The following ASAP2 variants were observed in gnomAD, a reference collection of about 807,000 sequenced individuals.
ASAP2 encodes ArfGAP with SH3 domain, ankyrin repeat and PH domain 2.
Under a neutral mutation model 131.4 loss-of-function variants are expected in ASAP2, and 45 were observed. The ratio of observed to expected loss-of-function variants is 0.34; its 90% confidence interval spans 0.27 to 0.44. The LOEUF (loss-of-function observed/expected upper bound fraction) is 0.44. Among genes scored for constraint, ASAP2 ranks in the 20% least tolerant of loss-of-function variants. ASAP2 has a pLI of 1.00. For synonymous variants in ASAP2, 510 were observed against 503.0 expected (o/e 1.01, Z -0.19); for missense variants, 1,011 against 1,297.0 (o/e 0.78, Z 3.39).
chr2:9,394,159 C>CTT (rs71389241), intron 24 of ASAP2, among the ~76,000 whole-genome samples: 3,095 of 81,800 alleles, frequency 0.038, 113 homozygotes, highest in Non-Finnish European at 0.052. Context: ...TAGTTTGTGG[C>CTT]TTTTTTTTTT....
Position 9,250,585 on chromosome 2 carries a change from C to T in ASAP2, c.127-28732C>T, listed in dbSNP as rs552335568. ...CATTGCACGGCCCCCAGGGCAAATG[C>T]AGTGTGGTGTGCTCTTTCATTTAAG... On this transcript the variant is annotated intron_variant, in intron 1 of 27. Coordinates refer to ENST00000281419, the MANE Select transcript of ASAP2 (RefSeq NM_003887.3). 2.8e-5 allele frequency among the ~76,000 whole-genome samples: 3 copies of T among 108,604 alleles called. No homozygotes were observed. The East Asian group carries it at 6.0e-4, about 22-fold the overall frequency. The allele number at this position is 108,604 out of a possible 152,430, so 71.2% of individuals were successfully genotyped here.
Position 9,404,593 on chromosome 2 carries a change from A to G in ASAP2, c.*1266A>G, listed in dbSNP as rs577141570. Reference sequence around the variant, plus strand: ...CACTCTGAGAATAAATAGGCATATGATACCCACTTGGACTTTTAACAAAAG... The same window carrying G: ...CACTCTGAGAATAAATAGGCATATGGTACCCACTTGGACTTTTAACAAAAG... On this transcript the variant is annotated 3_prime_UTR_variant, in exon 28 of 28. Coordinates refer to ENST00000281419, the MANE Select transcript of ASAP2 (RefSeq NM_003887.3). 1 of 152,678 alleles carries G rather than the reference A, an allele frequency of 6.5e-6. No individual in the cohort carries two copies. The highest frequency in any genetic ancestry group is 1.9e-4 in the East Asian group (1 of 5,194). The allele number at this position is 152,678 out of a possible 1,614,324, so 9.5% of individuals were successfully genotyped here.
At chr2:9,334,877 A>C in intron 8 of ASAP2, 64 bp downstream of exon 8, 1 of 1,535,520 alleles carries the variant, frequency 6.5e-7, no homozygotes, top group South Asian at 1.1e-5. Flanking sequence ...TTTCATCTAA[A>C]TGTCACTTCT....
intron 15 of ASAP2, among the ~76,000 whole-genome samples, chr2:9,363,226 C>T (rs1254779632): frequency 5.9e-5 from 9 of 152,116 alleles, no homozygotes; most frequent in African/African-American, 1.4e-4. Flanking sequence ...TTCCCTATCT[C>T]GACTATTGTG....
chr2:9,214,777 T>TAA lies in ASAP2; in HGVS notation c.126+7567_126+7568dup, dbSNP rs34474684. Among the ~76,000 whole-genome samples the TAA allele has an allele frequency of 1.5e-4, 15 of 103,066 alleles. No homozygotes were observed. The East Asian group carries it at 2.6e-3, about 18-fold the overall frequency. The allele number at this position is 103,066 out of a possible 152,430, so 67.6% of individuals were successfully genotyped here. ...AAGTGGACAGGATGGCCTGGACGTC[T>TAA]AAAAAAAAAAAAAAAAAAAAAGTGA... On this transcript the variant is annotated intron_variant, in intron 1 of 27. Coordinates refer to ENST00000281419, the MANE Select transcript of ASAP2 (RefSeq NM_003887.3).
chr2:9,336,226 A>G (rs568306946), intron 9 of ASAP2, among the ~76,000 whole-genome samples: 2 of 152,172 alleles, frequency 1.3e-5, no homozygotes, highest in South Asian at 4.2e-4. Context: ...GGAAGTGGAC[A>G]TTTTCTGGGT....
intron 1 of ASAP2, among the ~76,000 whole-genome samples, chr2:9,226,534 C>T (rs1553290259): frequency 6.6e-6 from 1 of 152,182 alleles, no homozygotes; most frequent in Non-Finnish European, 1.5e-5. Flanking sequence ...ATTTTAAAGT[C>T]CAGCTTGCTG....
chr2:9,354,760 C>T (rs1217083771), intron 12 of ASAP2, among the ~76,000 whole-genome samples: 3 of 152,152 alleles, frequency 2.0e-5, no homozygotes, highest in Non-Finnish European at 4.4e-5. Flanking sequence ...TGCAGCTTAG[C>T]CTCTCTAGGC....
intron 27 of ASAP2, among the ~76,000 whole-genome samples, chr2:9,401,725 G>A (rs1424161616): frequency 1.3e-5 from 2 of 152,228 alleles, no homozygotes; most frequent in African/African-American, 4.8e-5. Flanking sequence ...GGAATCGGGT[G>A]TCTGGAGAGA....
intron 3 of ASAP2, among the ~76,000 whole-genome samples, chr2:9,304,827 C>T (rs1309207118): frequency 5.6e-5 from 4 of 71,092 alleles, no homozygotes; most frequent in East Asian, 4.1e-4. Context: ...AGGGGCTGGA[C>T]GAGTGGGGTG....
chr2:9,230,387 C>T (rs1294914442), intron 1 of ASAP2, among the ~76,000 whole-genome samples: 1 of 152,176 alleles, frequency 6.6e-6, no homozygotes, highest in African/African-American at 2.4e-5. Context: ...GCAGTGCAGC[C>T]GTGACTCTGG....
At chr2:9,319,123 G>T (rs1669986931) in intron 4 of ASAP2, among the ~76,000 whole-genome samples, 1 of 152,028 alleles carries the variant, frequency 6.6e-6, no homozygotes, top group Non-Finnish European at 1.5e-5. Context: ...GACGGGGCTG[G>T]AGGGGCGTTT....
intron 1 of ASAP2, among the ~76,000 whole-genome samples, chr2:9,270,785 A>ATTTTTTTTTTTTTTTTTTTTGTTTTTT (rs1666305117): frequency 1.9e-5 from 1 of 52,924 alleles, no homozygotes; most frequent in African/African-American, 7.2e-5. Flanking sequence ...AATTGTTTTC[A>ATTTTTTTTTTTTTTTTTTTTGTTTTTT]TTTTTTTTTT....
chr2:9,215,185 A>G (rs574104267), intron 1 of ASAP2, among the ~76,000 whole-genome samples: 5 of 152,288 alleles, frequency 3.3e-5, no homozygotes, highest in East Asian at 3.9e-4. Context: ...TACAGTATTT[A>G]TGTGTGGTAT....
chr2:9,253,645 C>T (rs927249078), intron 1 of ASAP2, among the ~76,000 whole-genome samples: 5 of 152,124 alleles, frequency 3.3e-5, no homozygotes, highest in East Asian at 3.8e-4. Flanking sequence ...CTTAGAATTC[C>T]GTATAAATGG....
chr2:9,259,131 G>A (rs1665395786), intron 1 of ASAP2, among the ~76,000 whole-genome samples: 1 of 152,236 alleles, frequency 6.6e-6, no homozygotes, highest in African/African-American at 2.4e-5. Context: ...TGCTGCCCAG[G>A]GAGCCCTTCC....
At chr2:9,215,141 A>G (rs1480478505) in intron 1 of ASAP2, among the ~76,000 whole-genome samples, 1 of 152,172 alleles carries the variant, frequency 6.6e-6, no homozygotes, top group African/African-American at 2.4e-5. Context: ...ACAGCATGCC[A>G]CTGTGTTGAA....
chr2:9,380,904 C>T, intron 20 of ASAP2, 96 bp downstream of exon 20: 1 of 1,293,594 alleles, frequency 7.7e-7, no homozygotes, highest in Non-Finnish European at 1.1e-6. Flanking sequence ...GAACCAGTGT[C>T]CTGAGCAGAG....
chr2:9,387,145 C>T (rs1220174285), intron 21 of ASAP2, among the ~76,000 whole-genome samples: 2 of 144,386 alleles, frequency 1.4e-5, no homozygotes, highest in Non-Finnish European at 3.0e-5. Flanking sequence ...ACCCGGGAGG[C>T]GGAGCTTGCA....
Sources: allele counts gnomAD v4.1 joint callset (sites outside exome capture counted in the v4.1 genomes callset), GRCh38; gene constraint gnomAD v4.1.1; transcripts MANE v1.5; gene names NCBI Gene and HGNC (gene_info 2026-07-23, HGNC 2026-07-21).